The following JADE1 variants were observed in gnomAD, a reference collection of about 807,000 sequenced individuals.
JADE1 encodes jade family PHD finger 1.
In JADE1, 14 loss-of-function variants were observed where a neutral mutation model predicts 81.8. The ratio of observed to expected loss-of-function variants is 0.17; its 90% CI spans 0.11 to 0.27. The LOEUF is 0.27. Ranked by LOEUF, JADE1 falls within the 10% of genes least tolerant of loss-of-function variation. The pLI, the probability that JADE1 is intolerant of heterozygous loss-of-function variation, is 1.00. For missense variants in JADE1, 690 were observed against 1,047.9 expected (o/e 0.66, Z 4.71); for synonymous variants, 353 against 391.9 (o/e 0.90, Z 1.17).
intron 1 of JADE1, among the ~76,000 whole-genome samples, chr4:128,815,071 A>G (rs1726878382): frequency 7.4e-6 from 1 of 134,600 alleles, no homozygotes; most frequent in Non-Finnish European, 1.6e-5. Flanking sequence ...TTTTTTTGAG[A>G]CGGAGGCTTG....
chr4:128,867,729 C>A, intron 9 of JADE1, 127 bp from the exon 10 acceptor site: 1 of 539,412 alleles, frequency 1.9e-6, no homozygotes, highest in Admixed American at 3.1e-5. Flanking sequence ...TTTAAAGTAC[C>A]TATTGATTTC....
chr4:128,874,132 G>A lies in JADE1; in HGVS notation c.*1870G>A, dbSNP rs1221773509. ...TAATAGAAGGTTCTTATGAATCCAAGTTGTATATTCACTTGTAGGATAATT... is the reference window on the plus strand; with the variant it reads ...TAATAGAAGGTTCTTATGAATCCAAATTGTATATTCACTTGTAGGATAATT... On this transcript the variant is annotated 3_prime_UTR_variant, in exon 11 of 11. Transcript: ENST00000226319. 1 of 152,570 alleles carries A rather than the reference G, an allele frequency of 6.6e-6. No homozygotes were observed. Among genetic ancestry groups the A allele is most frequent in the Non-Finnish European group, 1.5e-5 (1 of 68,034 alleles). 9.5% of individuals were successfully genotyped at this position (152,570 alleles called of 1,614,324 possible).
At chr4:128,828,897 G>C (rs1311577100) in intron 1 of JADE1, among the ~76,000 whole-genome samples, 1 of 152,082 alleles carries the variant, frequency 6.6e-6, no homozygotes, top group Non-Finnish European at 1.5e-5. Context: ...CTCCTGCCCT[G>C]GCGTCCCAAA....
rs554130623 is a variant in JADE1, at chr4:128,874,417, G to GT, written c.*2161dup. 347 of 152,218 alleles carry GT rather than the reference G, an allele frequency of 2.3e-3. No homozygotes were observed. The highest frequency in any genetic ancestry group is 3.9e-3 in the Non-Finnish European group (265 of 67,956). 9.4% of individuals were successfully genotyped at this position (152,218 alleles called of 1,614,324 possible). ...TTTGTGCAAAAATAATGCCTTACCT[G>GT]TTTTTTCCCCACATTTAGGTTGAAA... On this transcript the variant is annotated 3_prime_UTR_variant, in exon 11 of 11. Transcript: ENST00000226319.
chr4:128,855,560 A>G (rs567133098), intron 6 of JADE1, 70 bp from the exon 7 acceptor site: 2 of 1,401,910 alleles, frequency 1.4e-6, no homozygotes, highest in African/African-American at 1.4e-5. Flanking sequence ...TTTAAAATGA[A>G]TAGATATAAT....
Position 128,857,396 on chromosome 4 carries a change from G to A in JADE1, c.923G>A (p.Ser308Asn), listed in dbSNP as rs774777501. ...EPITKVSHIPSSRWALVCSLC... is the reference protein window; with the variant it reads ...EPITKVSHIPNSRWALVCSLC... ...ATCACCAAGGTGTCACACATTCCCA[G>A]CAGCCGGTGGGCGCTAGTGTGCAGC... Residue 308 changes from serine (S) to asparagine (N), a missense_variant, in exon 8 of 11, where the codon AGC (serine) becomes AAC (asparagine). Physicochemically the swap from Ser to Asn is conservative, Grantham distance 46 (BLOSUM62 1). Coordinates refer to ENST00000226319, the MANE Select transcript of JADE1 (RefSeq NM_199320.4). 6.2e-7 allele frequency: 1 copy of A among 1,614,148 alleles called. No homozygotes were observed. Among genetic ancestry groups the A allele is most frequent in the Non-Finnish European group, 8.5e-7 (1 of 1,180,016 alleles).
intron 1 of JADE1, among the ~76,000 whole-genome samples, chr4:128,831,219 A>G (rs540654810): frequency 6.6e-6 from 1 of 152,038 alleles, no homozygotes; most frequent in Non-Finnish European, 1.5e-5. Context: ...CCATTACCCG[A>G]TTTGTTTTGT....
intron 1 of JADE1, among the ~76,000 whole-genome samples, chr4:128,830,781 G>A (rs1306659213): frequency 6.6e-6 from 1 of 152,180 alleles, no homozygotes; most frequent in African/African-American, 2.4e-5. Flanking sequence ...GCTGCCCTGT[G>A]TGAATATAAC....
intron 9 of JADE1, among the ~76,000 whole-genome samples, chr4:128,866,816 C>G (rs1731813627): frequency 6.6e-6 from 1 of 152,154 alleles, no homozygotes; most frequent in Non-Finnish European, 1.5e-5. Flanking sequence ...CTTAGGAGGT[C>G]TTGTCCACAT....
intron 1 of JADE1, among the ~76,000 whole-genome samples, chr4:128,829,063 G>C (rs1286339758): frequency 6.6e-6 from 1 of 152,136 alleles, no homozygotes; most frequent in Admixed American, 6.5e-5. Context: ...GATCCTGAGG[G>C]GACCCAGAGG....
chr4:128,836,349 A>C (rs1392085402), intron 2 of JADE1, among the ~76,000 whole-genome samples: 1 of 152,182 alleles, frequency 6.6e-6, no homozygotes, highest in Non-Finnish European at 1.5e-5. Context: ...TTTTTACAAT[A>C]AAGTAAGCTA....
intron 2 of JADE1, among the ~76,000 whole-genome samples, chr4:128,838,892 A>G (rs919206412): frequency 1.3e-5 from 2 of 152,004 alleles, no homozygotes; most frequent in Admixed American, 1.3e-4. Context: ...GTTTCTGTAG[A>G]TGTAGGTGCA....
intron 6 of JADE1, among the ~76,000 whole-genome samples, chr4:128,853,219 G>C (rs1730516052): frequency 6.6e-6 from 1 of 152,170 alleles, no homozygotes; most frequent in South Asian, 2.1e-4. Flanking sequence ...TATGGGACTA[G>C]AGACCCACCC....
chr4:128,867,258 C>T (rs1467036194), intron 9 of JADE1, among the ~76,000 whole-genome samples: 1 of 152,168 alleles, frequency 6.6e-6, no homozygotes, highest in East Asian at 1.9e-4. Flanking sequence ...CTGCTAACTC[C>T]AGGCCTTTCA....
intron 8 of JADE1, among the ~76,000 whole-genome samples, chr4:128,857,745 G>T (rs562871411): frequency 6.6e-6 from 1 of 152,290 alleles, no homozygotes; most frequent in East Asian, 1.9e-4. Flanking sequence ...CCAAAGTCTA[G>T]CATCGCAACT....
chr4:128,813,586 T>A (rs78429861), intron 1 of JADE1, among the ~76,000 whole-genome samples: 3 of 150,562 alleles, frequency 2.0e-5, no homozygotes, highest in Non-Finnish European at 4.4e-5. Context: ...GGCTGGCTAA[T>A]TTTTTTTTGT....
chr4:128,834,533 T>TC (rs935496515), intron 2 of JADE1, among the ~76,000 whole-genome samples: 10 of 143,588 alleles, frequency 7.0e-5, no homozygotes, highest in African/African-American at 2.6e-4. Context: ...AATATTTCTT[T>TC]TTTTTTTTTT....
intron 1 of JADE1, chr4:128,811,551 A>C (rs1003474178): frequency 3.4e-5 from 5 of 146,632 alleles, no homozygotes; most frequent in African/African-American, 1.0e-4. Context: ...CCAGTGTGGA[A>C]ATGGGGGCGG....
intron 8 of JADE1, among the ~76,000 whole-genome samples, chr4:128,859,547 G>A (rs557851585): frequency 9.0e-6 from 1 of 111,426 alleles, no homozygotes; most frequent in South Asian, 3.5e-4. Flanking sequence ...ATGCATGCGT[G>A]TATATGTGTA....
Sources: allele counts gnomAD v4.1 joint callset (sites outside exome capture counted in the v4.1 genomes callset), GRCh38; gene constraint gnomAD v4.1.1; transcripts MANE v1.5; gene names NCBI Gene and HGNC (gene_info 2026-07-23, HGNC 2026-07-21).